Variants in TBL1X observed in about 807,000 individuals in gnomAD.
TBL1X encodes the protein transducin beta like 1 X-linked.
A neutral mutation model predicts 50.7 loss-of-function variants in TBL1X; 10 were observed. That is an observed-to-expected ratio of 0.20 (90% CI 0.12 to 0.33). TBL1X has a LOEUF of 0.33. Ranked by LOEUF, TBL1X falls within the 10% of genes least tolerant of loss-of-function variation. The pLI, the probability that TBL1X is intolerant of heterozygous loss-of-function variation, is 1.00. For synonymous variants in TBL1X, 190 were observed against 214.7 expected (o/e 0.88, Z 1.01); for missense variants, 340 against 504.4 (o/e 0.67, Z 3.12).
chrX:9,695,106 C>T (rs1367140470), intron 11 of TBL1X, among the ~76,000 whole-genome samples: 1 of 112,294 alleles, frequency 8.9e-6, no homozygotes, highest in East Asian at 2.8e-4. Flanking sequence ...GGCTCCTCAC[C>T]TGTTTCTTAA....
chrX:9,505,498 C>G (rs1349940437), intron 2 of TBL1X, among the ~76,000 whole-genome samples: 1 of 111,889 alleles, frequency 8.9e-6, no homozygotes, highest in Non-Finnish European at 1.9e-5. Flanking sequence ...AAGACACAGA[C>G]TAGCAAATTG....
At chrX:9,544,089 G>C (rs1029004917) in intron 2 of TBL1X, among the ~76,000 whole-genome samples, 2 of 112,176 alleles carry the variant, frequency 1.8e-5, no homozygotes, top group African/African-American at 6.5e-5. Context: ...TACTCCAGCA[G>C]ATACTTCCAC....
intron 5 of TBL1X, among the ~76,000 whole-genome samples, chrX:9,656,973 A>G (rs2082868448): frequency 8.9e-6 from 1 of 111,913 alleles, no homozygotes; most frequent in Non-Finnish European, 1.9e-5. Context: ...TTCCTCCTCA[A>G]GCACCTGTAC....
chrX:9,688,249 G>A lies in TBL1X; in HGVS notation c.590G>A (p.Gly197Glu). 8.4e-7 allele frequency: 1 copy of A among 1,196,488 alleles called. No individual in the cohort carries two copies. Among genetic ancestry groups the A allele is most frequent in the Non-Finnish European group, 1.1e-6 (1 of 887,208 alleles). The stretch of plus-strand genomic sequence containing the variant: ...AAGAACAGAGAGGCCACGGTGAATG[G>A]GGAAGAGAACAGAGCACATTCAGTC... ...PSKNREATVNGEENRAHSVNN... is the reference protein window; with the variant it reads ...PSKNREATVNEEENRAHSVNN... Residue 197 changes from glycine (G) to glutamate (E), a missense_variant, in exon 7 of 18, where the codon GGG becomes GAG. Transcript: ENST00000645353.
At chrX:9,630,032 TTTAA>T (rs1383655166) in intron 2 of TBL1X, among the ~76,000 whole-genome samples, 1 of 110,790 alleles carries the variant, frequency 9.0e-6, no homozygotes, top group African/African-American at 3.3e-5. Context: ...TTCTGGATAA[TTTAA>T]TACAGGGTTC....
intron 3 of TBL1X, among the ~76,000 whole-genome samples, chrX:9,648,081 G>T (rs747174139): frequency 9.0e-6 from 1 of 110,879 alleles, no homozygotes; most frequent in South Asian, 3.9e-4. Flanking sequence ...TGGTGCAGCT[G>T]CCCCTAGAAG....
At chrX:9,671,679 C>A (rs1005492944) in intron 5 of TBL1X, among the ~76,000 whole-genome samples, 3 of 112,713 alleles carry the variant, frequency 2.7e-5, no homozygotes, top group African/African-American at 9.7e-5. Context: ...TGATCCTCCT[C>A]CACCAAGTAT....
chrX:9,592,757 A>G (rs952476015), intron 2 of TBL1X, among the ~76,000 whole-genome samples: 1 of 112,132 alleles, frequency 8.9e-6, no homozygotes, highest in Non-Finnish European at 1.9e-5. Context: ...TTCCCTAAGC[A>G]TAATGTTTTC....
chrX:9,537,963 G>A (rs192009696), intron 2 of TBL1X, among the ~76,000 whole-genome samples: 1 of 111,751 alleles, frequency 8.9e-6, no homozygotes, highest in Non-Finnish European at 1.9e-5. Context: ...GAGGCCACTC[G>A]AGGCAGGGGG....
Position 9,714,533 on chromosome X carries a change from C to A in TBL1X, c.1606-369C>A, listed in dbSNP as rs188396801. On this transcript the variant is annotated intron_variant, in intron 16 of 17. Coordinates refer to ENST00000645353, the MANE Select transcript of TBL1X (RefSeq NM_005647.4). ...TAGGAAGAGTCAGGGATGGCCCTTA[C>A]AGGTCTGTAGAAAGTTTTGGTCGTG... 2.0e-3 allele frequency among the ~76,000 whole-genome samples: 221 copies of A among 111,712 alleles called. 1 individual carries two copies. Among genetic ancestry groups the A allele is most frequent in the African/African-American group, 6.9e-3 (211 of 30,694 alleles).
At chrX:9,594,568 G>T (rs192318685) in intron 2 of TBL1X, among the ~76,000 whole-genome samples, 1 of 112,053 alleles carries the variant, frequency 8.9e-6, no homozygotes, top group Admixed American at 9.4e-5. Context: ...CATCTCTATA[G>T]GTGTCTTTCT....
At chrX:9,521,626 C>A (rs1203300538) in intron 2 of TBL1X, among the ~76,000 whole-genome samples, 5 of 112,219 alleles carry the variant, frequency 4.5e-5, no homozygotes, top group African/African-American at 1.6e-4. Context: ...GTCCTCTCAG[C>A]AAAACCTGCT....
intron 2 of TBL1X, among the ~76,000 whole-genome samples, chrX:9,585,328 A>ACCCCCCCCCCCCC (rs1262756915): frequency 3.7e-5 from 2 of 54,660 alleles, no homozygotes; most frequent in Admixed American, 2.2e-4. Flanking sequence ...GCTCCATGCC[A>ACCCCCCCCCCCCC]CCCCCCTCCC....
intron 1 of TBL1X, among the ~76,000 whole-genome samples, chrX:9,485,872 A>G (rs765746660): frequency 3.6e-4 from 40 of 112,191 alleles, no homozygotes; most frequent in African/African-American, 1.3e-3. Context: ...GGAAGCTACC[A>G]GAAGATGTGT....
At chrX:9,561,442 G>C (rs1027838720) in intron 2 of TBL1X, among the ~76,000 whole-genome samples, 6 of 111,485 alleles carry the variant, frequency 5.4e-5, no homozygotes, top group Non-Finnish European at 9.4e-5. Context: ...GGACTTTACT[G>C]TGATGGAGAC....
chrX:9,554,507 C>T (rs753694790), intron 2 of TBL1X, among the ~76,000 whole-genome samples: 1 of 111,982 alleles, frequency 8.9e-6, no homozygotes, highest in African/African-American at 3.2e-5. Flanking sequence ...ATTTGTATAC[C>T]TTTTGCTCAC....
intron 3 of TBL1X, among the ~76,000 whole-genome samples, chrX:9,651,990 C>T (rs1184095143): frequency 3.6e-5 from 4 of 112,169 alleles, no homozygotes; most frequent in Admixed American, 9.5e-5. Flanking sequence ...CTGCGGGTCA[C>T]GGGTCCAGGC....
intron 2 of TBL1X, among the ~76,000 whole-genome samples, chrX:9,552,597 A>G (rs1014320701): frequency 8.9e-6 from 1 of 111,992 alleles, no homozygotes; most frequent in Non-Finnish European, 1.9e-5. Context: ...ATCTGCCAAA[A>G]GTAAAGAAAG....
chrX:9,709,441 C>G lies in TBL1X; in HGVS notation c.1311+119C>G, dbSNP rs879022542. The G allele has an allele frequency of 3.1e-5, 30 of 977,490 alleles. No individual in the cohort carries two copies. The East Asian group carries it at 9.9e-4, about 32-fold the overall frequency. The allele number at this position is 977,490 out of a possible 1,213,427, so 80.6% of individuals were successfully genotyped here. On this transcript the variant is annotated intron_variant, in intron 14 of 17. Transcript: ENST00000645353. ...TTATTACTGACCACCCTCCCTTCCT[C>G]TGTCATCCGGTGAGCTACGATTTCT... is the stretch of plus-strand genomic sequence containing the variant.
Sources: gnomAD v4.1 joint callset for allele counts (sites outside exome capture counted in the v4.1 genomes callset) on GRCh38, gnomAD v4.1.1 for gene constraint, MANE v1.5 for transcripts, NCBI Gene and HGNC (gene_info 2026-07-23, HGNC 2026-07-21) for gene names.